The following PPM1H variants were observed in gnomAD, a reference collection of about 807,000 sequenced individuals.
PPM1H encodes the protein protein phosphatase 1H.
A neutral mutation model predicts 54.9 loss-of-function variants in PPM1H; 27 were observed. That is an observed-to-expected ratio of 0.49 (90% CI 0.36 to 0.68). The LOEUF (loss-of-function observed/expected upper bound fraction) is 0.68. PPM1H is among the 30% of genes least tolerant of loss of function. The pLI is 0.00. For synonymous variants in PPM1H, 305 were observed against 270.8 expected, an observed-to-expected ratio of 1.13 and a Z score of -1.24; for missense variants, 596 against 667.8, an observed-to-expected ratio of 0.89 and a Z score of 1.19.
At chr12:62,747,790 T>C (rs535020248) in intron 4 of PPM1H, among the ~76,000 whole-genome samples, 22 of 152,276 alleles carry the variant, frequency 1.4e-4, no homozygotes, top group Non-Finnish European at 2.8e-4. Context: ...ATGGAGACAA[T>C]AGGCATAGAG....
chr12:62,796,770 C>T (rs956896193), intron 3 of PPM1H, among the ~76,000 whole-genome samples: 10 of 152,190 alleles, frequency 6.6e-5, no homozygotes, highest in South Asian at 2.1e-4. Flanking sequence ...CCCGTGTGCG[C>T]GCACACACAC....
chr12:62,854,268 A>G (rs977067180), intron 1 of PPM1H, among the ~76,000 whole-genome samples: 5 of 152,186 alleles, frequency 3.3e-5, no homozygotes, highest in African/African-American at 9.7e-5. Context: ...CTTAACCGCA[A>G]TGGATGGCCA....
intron 1 of PPM1H, among the ~76,000 whole-genome samples, chr12:62,911,441 T>C (rs1871457283): frequency 1.3e-5 from 2 of 152,160 alleles, no homozygotes; most frequent in South Asian, 4.1e-4. Context: ...GTTTGTTATC[T>C]TGTACAATTC....
intron 8 of PPM1H, among the ~76,000 whole-genome samples, chr12:62,682,570 T>G (rs2136629519): frequency 6.6e-6 from 1 of 152,326 alleles, no homozygotes; most frequent in African/African-American, 2.4e-5. Context: ...GGTGTGATCA[T>G]AGCTCAAGGC....
rs112679129 is a variant in PPM1H, at chr12:62,871,238, A to C, written c.246-38959T>G. Among the ~76,000 whole-genome samples, 1,266 of 152,296 alleles carry C rather than the reference A, an allele frequency of 8.3e-3. 15 individuals carry two copies. The highest frequency in any genetic ancestry group is 0.028 in the African/African-American group (1,177 of 41,544). On this transcript the variant is annotated intron_variant, in intron 1 of 9. Transcript: ENST00000228705. ...AAAAGGAAGTACAGATCCATGCTAC[A>C]ACATGGATGAATCTTGAAAATACTA...
intron 1 of PPM1H, among the ~76,000 whole-genome samples, chr12:62,843,274 G>A (rs141789982): frequency 0.022 from 3,330 of 152,242 alleles, 132 homozygotes; most frequent in African/African-American, 0.074. Context: ...CCGAGATGGC[G>A]CCACTGCACT....
At position 62,698,867 on chromosome 12, in the gene PPM1H, A is replaced by G. The variant is rs1335486328; in HGVS notation, c.1074-4868T>C. On this transcript the variant is annotated intron_variant, in intron 6 of 9. Transcript: ENST00000228705. ...TATTTTACCCTGAAGGGAGGACTCC[A>G]TTGCCCTTATTAATTTTATCTTGTT... Among the ~76,000 whole-genome samples, 3 of 152,242 alleles carry G rather than the reference A, an allele frequency of 2.0e-5. No homozygotes were observed. In the East Asian group the frequency reaches 5.8e-4, roughly 30 times the overall value.
intron 5 of PPM1H, among the ~76,000 whole-genome samples, chr12:62,732,453 C>G (rs1416271275): frequency 6.6e-6 from 1 of 152,224 alleles, no homozygotes; most frequent in Non-Finnish European, 1.5e-5. Context: ...AGAAAGGACT[C>G]TGACCACCTT....
Position 62,844,936 on chromosome 12 carries a change from G to A in PPM1H, c.246-12657C>T, listed in dbSNP as rs1474766012. On this transcript the variant is annotated intron_variant, in intron 1 of 9. Transcript: ENST00000228705. This position sits in a 1 kb window ranked among gnomAD's most constrained non-coding sequence, Gnocchi z 5.2. Reference sequence around the variant, plus strand: ...CACTTCTACTAGGAAATGAGCTTGGGAGTAGGATATGTTAAAGTGACCCCT... The same window carrying A: ...CACTTCTACTAGGAAATGAGCTTGGAAGTAGGATATGTTAAAGTGACCCCT... Among the ~76,000 whole-genome samples, 1 of 152,186 alleles carries A rather than the reference G, an allele frequency of 6.6e-6. No homozygotes were observed. The highest frequency in any genetic ancestry group is 6.5e-5 in the Admixed American group (1 of 15,284).
At chr12:62,863,320 T>C (rs1394965121) in intron 1 of PPM1H, among the ~76,000 whole-genome samples, 1 of 152,196 alleles carries the variant, frequency 6.6e-6, no homozygotes, top group African/African-American at 2.4e-5. Flanking sequence ...TGAGCGACTG[T>C]GCCTGGCCCA....
chr12:62,846,744 G>A (rs1328115571), intron 1 of PPM1H, among the ~76,000 whole-genome samples: 1 of 151,964 alleles, frequency 6.6e-6, no homozygotes, highest in Non-Finnish European at 1.5e-5. Flanking sequence ...AACATCCCTT[G>A]TCCTTCAGTA....
At chr12:62,816,623 C>T (rs1028434525) in intron 2 of PPM1H, among the ~76,000 whole-genome samples, 2 of 152,056 alleles carry the variant, frequency 1.3e-5, no homozygotes, top group Non-Finnish European at 2.9e-5. Context: ...TGGTTTCAAA[C>T]ATTTTGGATA....
At chr12:62,913,979 C>T (rs1026495252) in intron 1 of PPM1H, among the ~76,000 whole-genome samples, 6 of 152,106 alleles carry the variant, frequency 3.9e-5, no homozygotes, top group African/African-American at 9.7e-5. Flanking sequence ...GGATTACAGG[C>T]GTGAGCAACC....
intron 8 of PPM1H, among the ~76,000 whole-genome samples, chr12:62,680,473 T>C (rs571710637): frequency 1.3e-5 from 2 of 152,230 alleles, no homozygotes. Flanking sequence ...CGTGCCACCA[T>C]GCCTATCTGG....
rs2076629924 is a variant in PPM1H, at chr12:62,779,594, C to T, written c.869+8632G>A. Among the ~76,000 whole-genome samples the T allele has an allele frequency of 2.0e-5, 3 of 152,226 alleles. No individual in the cohort carries two copies. In the South Asian group the frequency reaches 6.2e-4, roughly 31 times the overall value. On this transcript the variant is annotated intron_variant, in intron 4 of 9. Transcript: ENST00000228705. Reference sequence around the variant, plus strand: ...AGGCATCTGCTCATCTAATCCTCACCTGAGGAGTGAGTACTATCATTATCT... The same window carrying T: ...AGGCATCTGCTCATCTAATCCTCACTTGAGGAGTGAGTACTATCATTATCT...
chr12:62,710,464 G>A (rs568335657), intron 6 of PPM1H, among the ~76,000 whole-genome samples: 35 of 151,498 alleles, frequency 2.3e-4, no homozygotes, highest in African/African-American at 7.3e-4. Context: ...TCTGGGAGGC[G>A]GAGGTTGCAG....
chr12:62,656,148 G>GTCCTTAGTTCTTTTCCT (rs1441749200), intron 9 of PPM1H, among the ~76,000 whole-genome samples: 4 of 152,218 alleles, frequency 2.6e-5, no homozygotes, highest in South Asian at 2.1e-4. Context: ...TTCTGTTGCT[G>GTCCTTAGTTCTTTTCCT]TCCTTAGTTC....
chr12:62,889,698 C>T (rs904275910), intron 1 of PPM1H, among the ~76,000 whole-genome samples: 15 of 151,996 alleles, frequency 9.9e-5, no homozygotes, highest in Non-Finnish European at 1.5e-4. Flanking sequence ...TTCAACAAAC[C>T]GTGCTGGAAC....
At chr12:62,919,667 T>A (rs1239009415) in intron 1 of PPM1H, among the ~76,000 whole-genome samples, 1 of 151,746 alleles carries the variant, frequency 6.6e-6, no homozygotes, top group Non-Finnish European at 1.5e-5. Context: ...TCCAAGAAAA[T>A]GAAATAATAA....
Sources: allele counts gnomAD v4.1 joint callset (sites outside exome capture counted in the v4.1 genomes callset), GRCh38; gene constraint gnomAD v4.1.1; non-coding constraint Gnocchi (gnomAD v3.1); transcripts MANE v1.5; gene names NCBI Gene and HGNC (gene_info 2026-07-23, HGNC 2026-07-21).